Variants in MAGI2 observed in about 807,000 individuals in gnomAD.
MAGI2 encodes the protein membrane associated guanylate kinase, WW and PDZ domain containing 2.
In MAGI2, 35 loss-of-function variants were observed where a neutral mutation model predicts 133.3. That is an observed-to-expected ratio of 0.26 (90% confidence interval 0.20 to 0.35). The LOEUF is 0.35. MAGI2 is among the 10% of genes least tolerant of loss of function. MAGI2 has a pLI of 1.00. For missense variants in MAGI2, 1,636 were observed against 1,863.4 expected, an observed-to-expected ratio of 0.88 and a Z score of 2.25; for synonymous variants, 729 against 710.6, an observed-to-expected ratio of 1.03 and a Z score of -0.41.
At chr7:78,402,454 CGT>C (rs1241763679) in intron 6 of MAGI2, among the ~76,000 whole-genome samples, 2 of 151,676 alleles carry the variant, frequency 1.3e-5, no homozygotes, top group South Asian at 2.1e-4. Context: ...CCACCTCGGG[CGT>C]GTGTGTGTGC....
At chr7:78,522,323 C>T (rs568704095) in intron 3 of MAGI2, among the ~76,000 whole-genome samples, 1 of 152,236 alleles carries the variant, frequency 6.6e-6, no homozygotes, top group East Asian at 1.9e-4. Context: ...CTTATTTATT[C>T]CCATATTAAA....
chr7:78,924,011 A>G (rs1799483622), intron 2 of MAGI2, among the ~76,000 whole-genome samples: 1 of 152,152 alleles, frequency 6.6e-6, no homozygotes, highest in East Asian at 1.9e-4. Context: ...TTATTGGTGT[A>G]TAAGAATGCT....
intron 21 of MAGI2, among the ~76,000 whole-genome samples, chr7:78,038,812 G>A (rs1810504926): frequency 6.6e-6 from 1 of 152,242 alleles, no homozygotes; most frequent in Non-Finnish European, 1.5e-5. Context: ...TCACAGGCCA[G>A]TTTTTGTTTT....
chr7:78,412,721 A>G (rs1008920076), intron 6 of MAGI2, among the ~76,000 whole-genome samples: 9 of 152,072 alleles, frequency 5.9e-5, no homozygotes, highest in African/African-American at 2.2e-4. Context: ...GTGTATGTAC[A>G]AAAGAGCACT....
intron 2 of MAGI2, among the ~76,000 whole-genome samples, chr7:78,760,088 C>G (rs1585319462): frequency 6.6e-6 from 1 of 151,920 alleles, no homozygotes; most frequent in African/African-American, 2.4e-5. Context: ...TGCACTCCAG[C>G]CTGGGCAACA....
chr7:78,807,931 A>G (rs1324186473), intron 2 of MAGI2, among the ~76,000 whole-genome samples: 1 of 152,192 alleles, frequency 6.6e-6, no homozygotes, highest in East Asian at 1.9e-4. Flanking sequence ...CGCAGATAGT[A>G]GATGCTAGTG....
intron 3 of MAGI2, among the ~76,000 whole-genome samples, chr7:78,600,869 G>A (rs1378061190): frequency 6.6e-6 from 1 of 152,096 alleles, no homozygotes; most frequent in Non-Finnish European, 1.5e-5. Context: ...TTTAAAATGT[G>A]AACTGTATTT....
At chr7:79,145,863 G>A (rs1822567821) in intron 1 of MAGI2, among the ~76,000 whole-genome samples, 1 of 152,334 alleles carries the variant, frequency 6.6e-6, no homozygotes, top group Admixed American at 6.5e-5. Context: ...CACTAATAGA[G>A]TGTCATGCAT....
At chr7:78,593,845 C>T (rs779874152) in intron 3 of MAGI2, among the ~76,000 whole-genome samples, 26 of 152,076 alleles carry the variant, frequency 1.7e-4, no homozygotes, top group Non-Finnish European at 2.5e-4. Context: ...GTCCAAGGTA[C>T]GGGAACTTTT....
intron 9 of MAGI2, among the ~76,000 whole-genome samples, chr7:78,257,631 T>C (rs1004003274): frequency 1.3e-4 from 20 of 152,216 alleles, no homozygotes; most frequent in Non-Finnish European, 2.2e-4. Context: ...TTGAGATAAA[T>C]GTTTTTTTAA....
intron 3 of MAGI2, among the ~76,000 whole-genome samples, chr7:78,547,960 G>C (rs1563153367): frequency 1.3e-5 from 2 of 152,194 alleles, no homozygotes; most frequent in African/African-American, 4.8e-5. Flanking sequence ...AACCTTTTAA[G>C]CTTCTTTTCT....
chr7:78,774,166 G>A (rs900846060), intron 2 of MAGI2, among the ~76,000 whole-genome samples: 3 of 152,134 alleles, frequency 2.0e-5, no homozygotes, highest in African/African-American at 7.2e-5. Context: ...ACTTGAATCA[G>A]AACATCTGGG....
In MAGI2 at chr7:78,462,943, A is replaced by T. The variant is rs894117190; in HGVS notation, c.1045+26818T>A. Among the ~76,000 whole-genome samples the T allele has an allele frequency of 3.3e-5, 5 of 152,210 alleles. No individual in the cohort carries two copies. In the East Asian group the frequency reaches 7.7e-4, roughly 23 times the overall value. ...CACACGCAAGTGAACCTTGGCTATA[A>T]CTTTCTACAAGGTTTCTAAAATTGA... On this transcript the variant is annotated intron_variant, in intron 6 of 21. Transcript: ENST00000354212.
At chr7:78,675,734 A>G (rs1414318763) in intron 2 of MAGI2, among the ~76,000 whole-genome samples, 2 of 152,164 alleles carry the variant, frequency 1.3e-5, no homozygotes, top group Non-Finnish European at 2.9e-5. Flanking sequence ...AGGACACGCC[A>G]TGAATCATGA....
chr7:78,281,177 T>C (rs1795533782), intron 9 of MAGI2, among the ~76,000 whole-genome samples: 1 of 152,130 alleles, frequency 6.6e-6, no homozygotes, highest in African/African-American at 2.4e-5. Context: ...ACTTATAATC[T>C]ATACATTTAA....
At chr7:79,255,497 T>A (rs375681344) in intron 1 of MAGI2, among the ~76,000 whole-genome samples, 1 of 152,170 alleles carries the variant, frequency 6.6e-6, no homozygotes, top group Non-Finnish European at 1.5e-5. Flanking sequence ...GTAAAAAGAA[T>A]ATGAAAATAT....
chr7:78,727,094 C>A (rs981539911), intron 2 of MAGI2, among the ~76,000 whole-genome samples: 3 of 151,992 alleles, frequency 2.0e-5, no homozygotes, highest in Non-Finnish European at 1.5e-5. Context: ...TACCTTGGCT[C>A]AAATCAATTA....
chr7:78,381,120 G>GA (rs1794880789), intron 6 of MAGI2, among the ~76,000 whole-genome samples: 2 of 152,164 alleles, frequency 1.3e-5, no homozygotes, highest in Admixed American at 1.3e-4. Flanking sequence ...GCTGAGGCTG[G>GA]CGGACCACTT....
chr7:78,946,383 A>T (rs1801420067), intron 2 of MAGI2, among the ~76,000 whole-genome samples: 1 of 152,216 alleles, frequency 6.6e-6, no homozygotes, highest in Non-Finnish European at 1.5e-5. Context: ...AACCTATCAT[A>T]TGTAAACAGT....
Sources: allele counts gnomAD v4.1 joint callset (sites outside exome capture counted in the v4.1 genomes callset), GRCh38; gene constraint gnomAD v4.1.1; transcripts MANE v1.5; gene names NCBI Gene and HGNC (gene_info 2026-07-23, HGNC 2026-07-21).